UGT1A6: variants seen among roughly 807,000 people sequenced by gnomAD.
UGT1A6 encodes the protein UDP glucuronosyltransferase family 1 member A6, also known as UDP-glucuronosyltransferase 1A6.
A neutral mutation model predicts 44.4 loss-of-function variants in UGT1A6; 32 were observed. The observed-to-expected ratio is 0.72, with a 90% CI of 0.54 to 0.97. The LOEUF is 0.97. UGT1A6 is among the 50% of genes least tolerant of loss of function. UGT1A6 has a pLI of 0.00. For synonymous variants in UGT1A6, 238 were observed against 248.5 expected (o/e 0.96, Z 0.40); for missense variants, 685 against 661.9 (o/e 1.03, Z -0.38).
At chr2:233,754,136 G>T (rs1695403547) in intron 1 of UGT1A6, among the ~76,000 whole-genome samples, 1 of 152,154 alleles carries the variant, frequency 6.6e-6, no homozygotes. Flanking sequence ...GCAATTAAAA[G>T]CCATCATTAA....
At chr2:233,744,873 T>C (rs991695756) in intron 1 of UGT1A6, among the ~76,000 whole-genome samples, 13 of 151,922 alleles carry the variant, frequency 8.6e-5, no homozygotes, top group African/African-American at 3.2e-4. Context: ...AAGGGATTAG[T>C]TTAGGACAAC....
chr2:233,743,044 G>A lies in UGT1A6; in HGVS notation c.862-23990G>A, dbSNP rs1369920838. On this transcript the variant is annotated intron_variant, in intron 1 of 4. Coordinates refer to ENST00000305139, the MANE Select transcript of UGT1A6 (RefSeq NM_001072.4). ...AAAGACAAACAGAGGTCCTATCCGT[G>A]TAGTCCCAACGATAAGAACAGGTGT... The A allele has an allele frequency of 1.9e-5, 6 of 317,270 alleles. 1 individual carries two copies. The highest frequency in any genetic ancestry group is 4.4e-5 in the African/African-American group (2 of 45,752). The allele number at this position is 317,270 out of a possible 1,614,324, so 19.7% of individuals were successfully genotyped here. A position where few individuals can be genotyped will look rare whatever the true frequency, so the allele number is the denominator to read the frequency against.
chr2:233,729,114 G>T (rs1215880389), intron 1 of UGT1A6: 1 of 1,612,830 alleles, frequency 6.2e-7, no homozygotes. Context: ...AGCTGTCCGT[G>T]TCTTCTGCTG....
chr2:233,721,880 C>A, intron 1 of UGT1A6: 1 of 494,092 alleles, frequency 2.0e-6, no homozygotes, highest in Admixed American at 2.1e-5. Flanking sequence ...CTTGCCAGCC[C>A]CTCCATTGCA....
At chr2:233,705,662 A>G (rs1466344578) in intron 1 of UGT1A6, among the ~76,000 whole-genome samples, 3 of 152,204 alleles carry the variant, frequency 2.0e-5, no homozygotes, top group African/African-American at 7.2e-5. Context: ...CATAAATTAT[A>G]GTTGTGAGAT....
At chr2:233,717,025 C>A (rs947654247) in intron 1 of UGT1A6, among the ~76,000 whole-genome samples, 5 of 152,200 alleles carry the variant, frequency 3.3e-5, no homozygotes, top group Non-Finnish European at 4.4e-5. Flanking sequence ...GCACCACCAT[C>A]TTCCAAGATA....
intron 1 of UGT1A6, chr2:233,754,417 C>A (rs964577009): frequency 5.9e-6 from 2 of 341,006 alleles, no homozygotes; most frequent in Non-Finnish European, 1.2e-5. Flanking sequence ...ACAATAAAGA[C>A]AGGCATTGGC....
At chr2:233,739,084 G>A (rs1483024078) in intron 1 of UGT1A6, 1 of 152,248 alleles carries the variant, frequency 6.6e-6, no homozygotes, top group Non-Finnish European at 1.5e-5. Flanking sequence ...TCAAGCCTTG[G>A]CAGCATCGAT....
chr2:233,752,890 C>T lies in UGT1A6; in HGVS notation c.862-14144C>T, dbSNP rs537828663. Among the ~76,000 whole-genome samples, 6 of 152,322 alleles carry T rather than the reference C, an allele frequency of 3.9e-5. No homozygotes were observed. In the East Asian group the frequency reaches 1.2e-3, roughly 29 times the overall value. On this transcript the variant is annotated intron_variant, in intron 1 of 4. Coordinates refer to ENST00000305139, the MANE Select transcript of UGT1A6 (RefSeq NM_001072.4). Reference sequence around the variant, plus strand: ...GCTTTCAACTGTTAAAACTAGCCAGCGTTGTTACAGATCCACCTCTGAGTG... The same window carrying T: ...GCTTTCAACTGTTAAAACTAGCCAGTGTTGTTACAGATCCACCTCTGAGTG...
intron 1 of UGT1A6, among the ~76,000 whole-genome samples, chr2:233,749,576 ACT>A (rs1258073288): frequency 2.6e-5 from 4 of 151,762 alleles, no homozygotes; most frequent in African/African-American, 9.7e-5. Context: ...GAGGCCACTG[ACT>A]CTGTCTCAAC....
intron 1 of UGT1A6, among the ~76,000 whole-genome samples, chr2:233,749,776 T>C (rs995320818): frequency 2.6e-5 from 4 of 151,902 alleles, no homozygotes; most frequent in African/African-American, 9.7e-5. Flanking sequence ...CTGATGGTTT[T>C]ATAAGGGGCC....
intron 1 of UGT1A6, among the ~76,000 whole-genome samples, chr2:233,695,282 T>C (rs890581828): frequency 7.9e-5 from 12 of 151,958 alleles, no homozygotes; most frequent in Non-Finnish European, 8.8e-5. Flanking sequence ...TGTGCCACCA[T>C]TCCCAGCTAA....
intron 1 of UGT1A6, among the ~76,000 whole-genome samples, chr2:233,763,620 C>T (rs1442912826): frequency 6.6e-6 from 1 of 152,168 alleles, no homozygotes; most frequent in African/African-American, 2.4e-5. Flanking sequence ...ACTACCATTC[C>T]TCTTGTGTTG....
At chr2:233,724,136 CG>C in intron 1 of UGT1A6, among the ~76,000 whole-genome samples, 1 of 111,742 alleles carries the variant, frequency 8.9e-6, no homozygotes, top group African/African-American at 4.3e-5. Flanking sequence ...ACCTCCCGGA[CG>C]GGGCGGCTGG....
chr2:233,767,167 T>C lies in UGT1A6; in HGVS notation c.993+2T>C. ...GCTTTGGGCAAAATCCCTCAGACAG[T>C]AAGAAGATTCTATACCATGGCCTCA... On this transcript the variant is annotated splice_donor_variant, in intron 2 of 4. Coordinates refer to ENST00000305139, the MANE Select transcript of UGT1A6 (RefSeq NM_001072.4). LOFTEE classifies it high-confidence loss of function. The C allele has an allele frequency of 2.5e-6, 4 of 1,614,068 alleles. No homozygotes were observed. The highest frequency in any genetic ancestry group is 3.4e-6 in the Non-Finnish European group (4 of 1,180,002).
chr2:233,718,302 C>T (rs1386220798), intron 1 of UGT1A6, among the ~76,000 whole-genome samples: 2 of 152,224 alleles, frequency 1.3e-5, no homozygotes, highest in Admixed American at 6.5e-5. Flanking sequence ...CCTGAACACT[C>T]TCTGTTTAGA....
intron 1 of UGT1A6, among the ~76,000 whole-genome samples, chr2:233,699,779 A>G (rs1414060236): frequency 6.6e-6 from 1 of 152,200 alleles, no homozygotes; most frequent in African/African-American, 2.4e-5. Context: ...TCTGTTCCCA[A>G]GTTTCCTCCT....
At chr2:233,746,331 A>G (rs1482608381) in intron 1 of UGT1A6, among the ~76,000 whole-genome samples, 1 of 151,784 alleles carries the variant, frequency 6.6e-6, no homozygotes, top group Non-Finnish European at 1.5e-5. Context: ...TCTACAGGGC[A>G]ATGGACATGT....
intron 1 of UGT1A6, chr2:233,729,215 A>G (rs766332130): frequency 6.2e-7 from 1 of 1,614,066 alleles, no homozygotes; most frequent in Non-Finnish European, 8.5e-7. Flanking sequence ...GAGAGTGGAA[A>G]GGTGTTGGTG....
Sources: allele counts gnomAD v4.1 joint callset (sites outside exome capture counted in the v4.1 genomes callset), GRCh38; gene constraint gnomAD v4.1.1; transcripts MANE v1.5; gene names NCBI Gene and HGNC (gene_info 2026-07-23, HGNC 2026-07-21).